The following SUCLG2 variants were observed in gnomAD, a reference collection of about 807,000 sequenced individuals.
The protein encoded by SUCLG2 is succinate--CoA ligase [GDP-forming] subunit beta, mitochondrial.
SUCLG2 carries 42 observed loss-of-function variants against 47.9 expected under a neutral mutation model. The ratio of observed to expected loss-of-function variants is 0.88; its 90% confidence interval spans 0.69 to 1.14. The LOEUF is 1.14. Ranked by LOEUF, SUCLG2 falls within the 50% of genes most tolerant of loss-of-function variation. The pLI is 0.00. For synonymous variants in SUCLG2, 195 were observed against 197.3 expected (o/e 0.99, Z 0.10); for missense variants, 571 against 525.9 (o/e 1.09, Z -0.84).
intron 9 of SUCLG2, among the ~76,000 whole-genome samples, chr3:67,422,186 C>T (rs1372234581): frequency 3.3e-5 from 5 of 152,038 alleles, no homozygotes; most frequent in Non-Finnish European, 7.4e-5. Flanking sequence ...AAAAAAAGAA[C>T]ATTCAGGCTG....
intron 2 of SUCLG2, among the ~76,000 whole-genome samples, chr3:67,562,497 C>T (rs142129578): frequency 0.01 from 1,578 of 152,272 alleles, 21 homozygotes; most frequent in East Asian, 0.044. Flanking sequence ...AGGCTGGTCT[C>T]GAACTCCTGG....
rs1459519434 is a variant in SUCLG2 at position 67,609,157 on chromosome 3, T to G, written c.226+298A>C. 2.0e-5 allele frequency among the ~76,000 whole-genome samples: 3 copies of G among 152,214 alleles called. No homozygotes were observed. In the East Asian group the frequency reaches 5.8e-4, roughly 29 times the overall value. On this transcript the variant is annotated intron_variant, in intron 2 of 10. Coordinates refer to ENST00000307227, the MANE Select transcript of SUCLG2 (RefSeq NM_003848.4). ...TTCTCCTACACCCAGGCCATCACAC[T>G]GAAGGCTGTCCTGTGATTCCACATC...
intron 9 of SUCLG2, among the ~76,000 whole-genome samples, chr3:67,419,238 T>G (rs1014023816): frequency 6.6e-6 from 1 of 152,204 alleles, no homozygotes; most frequent in Non-Finnish European, 1.5e-5. Context: ...AAATCATGTC[T>G]GTAATTTTCT....
At chr3:67,502,118 C>A (rs73088948) in intron 7 of SUCLG2, among the ~76,000 whole-genome samples, 16,761 of 151,852 alleles carry the variant, frequency 0.11, 1,157 homozygotes, top group East Asian at 0.31. Context: ...GACCCCTTAA[C>A]CTATGGGATC....
chr3:67,376,362 G>C (rs374258377), intron 10 of SUCLG2: 3 of 985,258 alleles, frequency 3.0e-6, no homozygotes, highest in East Asian at 1.1e-4. Context: ...CCTTCAAAAC[G>C]GGCAAAGCAG....
chr3:67,478,785 G>A (rs922387833), intron 9 of SUCLG2, among the ~76,000 whole-genome samples: 1 of 152,208 alleles, frequency 6.6e-6, no homozygotes, highest in East Asian at 1.9e-4. Context: ...ACAGAAGGAA[G>A]AGAATGAGCT....
intron 10 of SUCLG2, among the ~76,000 whole-genome samples, chr3:67,394,685 C>G (rs922484105): frequency 6.6e-6 from 1 of 150,936 alleles, no homozygotes; most frequent in East Asian, 1.9e-4. Context: ...CTCAAAGATA[C>G]TCCTCGAGAA....
At chr3:67,425,238 A>G (rs1292505073) in intron 9 of SUCLG2, among the ~76,000 whole-genome samples, 1 of 152,198 alleles carries the variant, frequency 6.6e-6, no homozygotes, top group East Asian at 1.9e-4. Context: ...GGCATACAGA[A>G]TAAGATCTGG....
chr3:67,584,274 C>G (rs1280439397), intron 2 of SUCLG2, among the ~76,000 whole-genome samples: 3 of 152,092 alleles, frequency 2.0e-5, no homozygotes, highest in Non-Finnish European at 4.4e-5. Flanking sequence ...AAATATGATA[C>G]TAAGTGAAGG....
At chr3:67,502,568 C>CA (rs1230438955) in intron 7 of SUCLG2, among the ~76,000 whole-genome samples, 4 of 152,222 alleles carry the variant, frequency 2.6e-5, no homozygotes, top group African/African-American at 9.6e-5. Flanking sequence ...GCTTCCTAGA[C>CA]AGTGGGTACT....
At chr3:67,621,120 TGCAAACTA>T (rs1330857597) in intron 1 of SUCLG2, among the ~76,000 whole-genome samples, 1 of 152,218 alleles carries the variant, frequency 6.6e-6, no homozygotes, top group African/African-American at 2.4e-5. Flanking sequence ...GCCTTTGTAG[TGCAAACTA>T]GCCATCAATC....
intron 9 of SUCLG2, among the ~76,000 whole-genome samples, chr3:67,403,030 T>C (rs981530279): frequency 6.6e-6 from 1 of 152,180 alleles, no homozygotes; most frequent in Non-Finnish European, 1.5e-5. Context: ...GGAATCAGTG[T>C]TGCCTCAGGT....
intron 9 of SUCLG2, among the ~76,000 whole-genome samples, chr3:67,473,690 A>C (rs1704662222): frequency 6.6e-6 from 1 of 152,196 alleles, no homozygotes; most frequent in Non-Finnish European, 1.5e-5. Context: ...GAAAAGACTT[A>C]AGGCTGTTTT....
At chr3:67,477,876 A>C (rs1342117931) in intron 9 of SUCLG2, among the ~76,000 whole-genome samples, 1 of 152,218 alleles carries the variant, frequency 6.6e-6, no homozygotes, top group Non-Finnish European at 1.5e-5. Flanking sequence ...ACTGATCTAC[A>C]GTGAAAAAAT....
At chr3:67,646,582 G>A (rs1250971047) in intron 1 of SUCLG2, among the ~76,000 whole-genome samples, 1 of 151,946 alleles carries the variant, frequency 6.6e-6, no homozygotes, top group Non-Finnish European at 1.5e-5. Flanking sequence ...GCAAGAGAGT[G>A]AGACTCTGTC....
chr3:67,422,947 T>A (rs902062787), intron 9 of SUCLG2, among the ~76,000 whole-genome samples: 1 of 152,174 alleles, frequency 6.6e-6, no homozygotes, highest in African/African-American at 2.4e-5. Flanking sequence ...GGTAGAATTA[T>A]GTGGTCAGGG....
At chr3:67,469,402 G>A (rs1704547842) in intron 9 of SUCLG2, among the ~76,000 whole-genome samples, 2 of 152,140 alleles carry the variant, frequency 1.3e-5, no homozygotes, top group African/African-American at 2.4e-5. Flanking sequence ...GGCCTCACAT[G>A]ACTAGGAAGT....
At chr3:67,544,097 A>G (rs1559565370) in intron 2 of SUCLG2, among the ~76,000 whole-genome samples, 1 of 152,228 alleles carries the variant, frequency 6.6e-6, no homozygotes, top group Non-Finnish European at 1.5e-5. Flanking sequence ...AATTTTTTTA[A>G]ATGTCATGGT....
intron 9 of SUCLG2, among the ~76,000 whole-genome samples, chr3:67,448,452 C>G (rs1348746566): frequency 6.6e-6 from 1 of 152,160 alleles, no homozygotes; most frequent in East Asian, 1.9e-4. Flanking sequence ...ATGGTGCAAT[C>G]TCAGCTCACT....
Sources: allele counts gnomAD v4.1 joint callset (sites outside exome capture counted in the v4.1 genomes callset), GRCh38; gene constraint gnomAD v4.1.1; transcripts MANE v1.5; gene names NCBI Gene and HGNC (gene_info 2026-07-23, HGNC 2026-07-21).